The following OXR1 variants were observed in gnomAD, a reference collection of about 807,000 sequenced individuals.
The protein encoded by OXR1 is oxidation resistance protein 1.
In OXR1, 41 loss-of-function variants were observed where a neutral mutation model predicts 104.6. The ratio of observed to expected loss-of-function variants is 0.39; its 90% CI spans 0.31 to 0.51. The LOEUF (loss-of-function observed/expected upper bound fraction) is 0.51, where lower values mean the gene tolerates loss of function less well. Ranked by LOEUF, OXR1 falls within the 20% of genes least tolerant of loss-of-function variation. The pLI is 0.77. For synonymous variants in OXR1, 348 were observed against 348.4 expected (o/e 1.00, Z 0.01); for missense variants, 955 against 1,031.9 (o/e 0.93, Z 1.02).
At position 106,655,097 on chromosome 8, in the gene OXR1, C is replaced by T. The variant is rs73699977; in HGVS notation, c.221-24113C>T. Among the ~76,000 whole-genome samples, 1,145 of 152,098 alleles carry T rather than the reference C, an allele frequency of 7.5e-3. 17 individuals are homozygous for T. Among genetic ancestry groups the T allele is most frequent in the African/African-American group, 0.026 (1,058 of 41,488 alleles). On this transcript the variant is annotated intron_variant, in intron 3 of 16. Coordinates refer to ENST00000517566, the MANE Select transcript of OXR1 (RefSeq NM_001198533.2). Reference sequence around the variant, plus strand: ...AAATGTCTATAAAAGGCAAATCCACCGAGGCAGAAATAGACTAGTGGTTGC... The same window carrying T: ...AAATGTCTATAAAAGGCAAATCCACTGAGGCAGAAATAGACTAGTGGTTGC...
At chr8:106,483,966 CTGTT>C (rs772148702) in intron 2 of OXR1, among the ~76,000 whole-genome samples, 22 of 152,184 alleles carry the variant, frequency 1.4e-4, no homozygotes, top group African/African-American at 5.1e-4. Flanking sequence ...GTCTCTCACT[CTGTT>C]TGTAAAAATG....
chr8:106,448,340 C>T (rs1170603192), intron 2 of OXR1, among the ~76,000 whole-genome samples: 1 of 152,124 alleles, frequency 6.6e-6, no homozygotes, highest in African/African-American at 2.4e-5. Context: ...CATAGTTCTT[C>T]GTATTTTTAA....
At chr8:106,430,360 T>C (rs1011761554) in intron 2 of OXR1, among the ~76,000 whole-genome samples, 2 of 152,202 alleles carry the variant, frequency 1.3e-5, no homozygotes, top group African/African-American at 4.8e-5. Context: ...ACTCTTTACC[T>C]ATCTGATTTC....
intron 3 of OXR1, among the ~76,000 whole-genome samples, chr8:106,545,113 C>A (rs941770366): frequency 6.6e-5 from 10 of 152,148 alleles, no homozygotes; most frequent in African/African-American, 2.4e-4. Flanking sequence ...GCACTGCTCC[C>A]AGTTGTGGCA....
intron 1 of OXR1, among the ~76,000 whole-genome samples, chr8:106,309,779 A>G (rs1040566689): frequency 6.6e-6 from 1 of 150,696 alleles, no homozygotes; most frequent in Admixed American, 6.6e-5. Context: ...ATATATATAC[A>G]CATATATAAA....
intron 3 of OXR1, among the ~76,000 whole-genome samples, chr8:106,637,572 A>T (rs970749718): frequency 1.3e-5 from 2 of 152,134 alleles, no homozygotes; most frequent in African/African-American, 2.4e-5. Flanking sequence ...CATTCTTCCA[A>T]CCTTGGGGAG....
At chr8:106,677,008 A>G (rs553138153) in intron 3 of OXR1, among the ~76,000 whole-genome samples, 24 of 152,144 alleles carry the variant, frequency 1.6e-4, no homozygotes, top group Non-Finnish European at 3.1e-4. Flanking sequence ...GAGCAATTGC[A>G]AACTTGCAAA....
chr8:106,595,293 T>G (rs187758295), intron 3 of OXR1, among the ~76,000 whole-genome samples: 63 of 151,264 alleles, frequency 4.2e-4, no homozygotes, highest in African/African-American at 1.5e-3. Flanking sequence ...GGCTCACGCC[T>G]GTAATCCCAG....
At chr8:106,624,084 C>T (rs1169257253) in intron 3 of OXR1, among the ~76,000 whole-genome samples, 1 of 152,208 alleles carries the variant, frequency 6.6e-6, no homozygotes, top group Non-Finnish European at 1.5e-5. Flanking sequence ...TTCCTCTCCA[C>T]CCTTGTTTCT....
chr8:106,347,571 C>G (rs1350493070), intron 1 of OXR1, among the ~76,000 whole-genome samples: 9 of 152,108 alleles, frequency 5.9e-5, no homozygotes, highest in Non-Finnish European at 1.2e-4. Context: ...AGGCAATAAA[C>G]TCTACTAGGT....
intron 2 of OXR1, among the ~76,000 whole-genome samples, chr8:106,388,376 T>C (rs1308228662): frequency 6.6e-6 from 1 of 152,086 alleles, no homozygotes; most frequent in Non-Finnish European, 1.5e-5. Flanking sequence ...GGCCTAATAC[T>C]GCTCTTATGC....
At chr8:106,668,493 A>G (rs1826586883) in intron 3 of OXR1, among the ~76,000 whole-genome samples, 1 of 152,182 alleles carries the variant, frequency 6.6e-6, no homozygotes, top group Admixed American at 6.6e-5. Flanking sequence ...TTTCTTCTGG[A>G]ATACATGTTG....
intron 2 of OXR1, among the ~76,000 whole-genome samples, chr8:106,454,731 C>A (rs917825872): frequency 6.6e-6 from 1 of 152,092 alleles, no homozygotes; most frequent in African/African-American, 2.4e-5. Flanking sequence ...CCCCAACATA[C>A]TCTTCCAGTT....
chr8:106,682,362 G>A (rs1353486962), intron 4 of OXR1: 1 of 147,518 alleles, frequency 6.8e-6, no homozygotes, highest in African/African-American at 2.5e-5. Context: ...TCGGCCTCCT[G>A]GGTTCACGCC....
chr8:106,687,651 C>T (rs1182812439), intron 6 of OXR1, among the ~76,000 whole-genome samples: 5 of 149,740 alleles, frequency 3.3e-5, no homozygotes, highest in Admixed American at 6.7e-5. Flanking sequence ...ACCCAGGAGT[C>T]GGGGGTTGCA....
At chr8:106,723,257 C>T (rs999325925) in intron 11 of OXR1, among the ~76,000 whole-genome samples, 4 of 151,782 alleles carry the variant, frequency 2.6e-5, no homozygotes, top group Non-Finnish European at 4.4e-5. Flanking sequence ...TTTGGGAGGC[C>T]GAGGCAGGTG....
chr8:106,685,642 A>T (rs1020833666), intron 6 of OXR1, among the ~76,000 whole-genome samples: 1 of 151,992 alleles, frequency 6.6e-6, no homozygotes, highest in Non-Finnish European at 1.5e-5. Context: ...GGACCAAAAA[A>T]CTTCCTGTAA....
At chr8:106,492,639 A>G (rs1563558894) in intron 2 of OXR1, among the ~76,000 whole-genome samples, 2 of 152,168 alleles carry the variant, frequency 1.3e-5, no homozygotes, top group African/African-American at 2.4e-5. Context: ...ACAGCAATAT[A>G]ACATTAACAT....
chr8:106,611,857 C>T (rs1820836611), intron 3 of OXR1, among the ~76,000 whole-genome samples: 1 of 152,062 alleles, frequency 6.6e-6, no homozygotes, highest in Admixed American at 6.6e-5. Flanking sequence ...GTTTTTACAT[C>T]AGTTTTCGGC....
Sources: gnomAD v4.1 joint callset for allele counts (sites outside exome capture counted in the v4.1 genomes callset) on GRCh38, gnomAD v4.1.1 for gene constraint, MANE v1.5 for transcripts, NCBI Gene and HGNC (gene_info 2026-07-23, HGNC 2026-07-21) for gene names.